The following CDH22 variants were observed in gnomAD, a reference collection of about 807,000 sequenced individuals.
The protein encoded by CDH22 is cadherin 22, also known as cadherin-22.
In CDH22, 30 loss-of-function variants were observed where a neutral mutation model predicts 58.4. That is an observed-to-expected ratio of 0.51 (90% CI 0.38 to 0.70). The LOEUF (loss-of-function observed/expected upper bound fraction) is 0.70, where lower values mean the gene tolerates loss of function less well. CDH22 is among the 30% of genes least tolerant of loss of function. CDH22 has a pLI of 0.00. For missense variants in CDH22, 1,014 were observed against 1,233.9 expected, an observed-to-expected ratio of 0.82 and a Z score of 2.67; for synonymous variants, 513 against 558.2, an observed-to-expected ratio of 0.92 and a Z score of 1.14.
chr20:46,248,210 G>A (rs1489400358), intron 2 of CDH22, among the ~76,000 whole-genome samples: 1 of 152,206 alleles, frequency 6.6e-6, no homozygotes, highest in Non-Finnish European at 1.5e-5. Context: ...AGATGGGGAT[G>A]GGGTCAGCTC....
chr20:46,287,797 CTG>C (rs551717087), intron 1 of CDH22, among the ~76,000 whole-genome samples: 1 of 152,226 alleles, frequency 6.6e-6, no homozygotes, highest in South Asian at 2.1e-4. Context: ...GTGAAGCAGA[CTG>C]GCCCCCGCCC....
chr20:46,246,494 T>A (rs2086330020), intron 2 of CDH22, among the ~76,000 whole-genome samples: 2 of 152,078 alleles, frequency 1.3e-5, no homozygotes, highest in Non-Finnish European at 2.9e-5. Flanking sequence ...AAATTATAGT[T>A]CGGAAAACGG....
At chr20:46,301,796 A>T (rs1266560886) in intron 1 of CDH22, among the ~76,000 whole-genome samples, 7 of 152,146 alleles carry the variant, frequency 4.6e-5, no homozygotes. Flanking sequence ...GGGCAACAAG[A>T]GTGAAACTCC....
intron 3 of CDH22, among the ~76,000 whole-genome samples, chr20:46,234,528 G>T (rs555021178): frequency 4.6e-5 from 7 of 152,198 alleles, no homozygotes; most frequent in Non-Finnish European, 8.8e-5. Context: ...CCCAAGAAGT[G>T]CAGGCTGTAC....
intron 5 of CDH22, among the ~76,000 whole-genome samples, chr20:46,214,787 G>T (rs1471310820): frequency 6.6e-6 from 1 of 152,148 alleles, no homozygotes; most frequent in Admixed American, 6.5e-5. Context: ...TGCTCCCTTG[G>T]CCCCCAAGCT....
At chr20:46,254,243 G>A (rs2086395401) in intron 1 of CDH22, among the ~76,000 whole-genome samples, 1 of 152,106 alleles carries the variant, frequency 6.6e-6, no homozygotes, top group Non-Finnish European at 1.5e-5. Context: ...GCTGGGCACT[G>A]GGGACATAGC....
intron 1 of CDH22, among the ~76,000 whole-genome samples, chr20:46,270,323 G>T (rs891706817): frequency 9.8e-5 from 15 of 152,314 alleles, no homozygotes; most frequent in Non-Finnish European, 1.9e-4. Context: ...TGCTGGGGCT[G>T]CAGGCTGCAG....
chr20:46,201,814 G>A lies in CDH22; in HGVS notation c.1287-2255C>T, dbSNP rs995952597. 2.6e-5 allele frequency among the ~76,000 whole-genome samples: 4 copies of A among 152,256 alleles called. No homozygotes were observed. The East Asian group carries it at 5.8e-4, about 22-fold the overall frequency. Reference sequence around the variant, plus strand: ...CACCTTGAGTCCCGCTAGCCTGGGCGAAAGTACGTGGGGAGGTTCAGACCC... The same window carrying A: ...CACCTTGAGTCCCGCTAGCCTGGGCAAAAGTACGTGGGGAGGTTCAGACCC... On this transcript the variant is annotated intron_variant, in intron 7 of 11. Transcript: ENST00000537909.
intron 4 of CDH22, among the ~76,000 whole-genome samples, 155 bp downstream of exon 4, chr20:46,227,353 C>T (rs976563297): frequency 6.6e-6 from 1 of 152,192 alleles, no homozygotes; most frequent in Non-Finnish European, 1.5e-5. Context: ...CTCTCCGCGA[C>T]CCTGGACTCT....
intron 3 of CDH22, among the ~76,000 whole-genome samples, chr20:46,234,555 T>C (rs1255932423): frequency 6.6e-6 from 1 of 152,226 alleles, no homozygotes; most frequent in African/African-American, 2.4e-5. Flanking sequence ...GACAGTCTTT[T>C]CCCATCTATT....
intron 1 of CDH22, among the ~76,000 whole-genome samples, chr20:46,287,739 T>C (rs2086582550): frequency 6.6e-6 from 1 of 151,936 alleles, no homozygotes; most frequent in African/African-American, 2.4e-5. Context: ...AAGCAGAGGA[T>C]TGGCATGAAT....
chr20:46,231,267 G>A (rs1427514709), intron 3 of CDH22, among the ~76,000 whole-genome samples: 1 of 152,222 alleles, frequency 6.6e-6, no homozygotes, highest in Non-Finnish European at 1.5e-5. Context: ...GATCCATGTG[G>A]AATGTTAGAT....
At position 46,240,950 on chromosome 20, in the gene CDH22, GC is replaced by G; in HGVS notation, c.550+12del. ...CTTGATCCCATCCCCCACCCCCAGG[GC>G]CCACAGCCCACCTGTAGGTGAGAGC... is the stretch of plus-strand genomic sequence containing the variant. On this transcript the variant is annotated intron_variant, in intron 3 of 11. Transcript: ENST00000537909. 6.2e-7 allele frequency: 1 copy of G among 1,604,730 alleles called. No homozygotes were observed. Among genetic ancestry groups the G allele is most frequent in the Non-Finnish European group, 8.5e-7 (1 of 1,173,526 alleles).
At chr20:46,192,094 T>C (rs2040558595) in intron 8 of CDH22, among the ~76,000 whole-genome samples, 1 of 152,370 alleles carries the variant, frequency 6.6e-6, no homozygotes, top group East Asian at 1.9e-4. Context: ...TTGTAGCATT[T>C]ACCCAGCACC....
At chr20:46,205,571 C>T (rs190803855) in intron 7 of CDH22, among the ~76,000 whole-genome samples, 45 of 152,240 alleles carry the variant, frequency 3.0e-4, no homozygotes, top group Non-Finnish European at 5.9e-4. Context: ...GCAGTGTGGA[C>T]TAGCTGTTTT....
intron 1 of CDH22, among the ~76,000 whole-genome samples, chr20:46,302,751 C>T (rs950807337): frequency 1.3e-5 from 2 of 152,138 alleles, no homozygotes; most frequent in African/African-American, 2.4e-5. Context: ...TCATGTATCC[C>T]ATTAGGATCT....
intron 7 of CDH22, among the ~76,000 whole-genome samples, chr20:46,209,061 G>A (rs2086020706): frequency 6.6e-6 from 1 of 152,220 alleles, no homozygotes; most frequent in South Asian, 2.1e-4. Flanking sequence ...AGAAAAGCAG[G>A]TAGCATGTCA....
chr20:46,275,902 G>A (rs1271917708), intron 1 of CDH22, among the ~76,000 whole-genome samples: 1 of 151,856 alleles, frequency 6.6e-6, no homozygotes, highest in Non-Finnish European at 1.5e-5. Flanking sequence ...CAGGATGAGG[G>A]AGGGTCTTCC....
chr20:46,282,344 G>A (rs974063903), intron 1 of CDH22, among the ~76,000 whole-genome samples: 1 of 152,152 alleles, frequency 6.6e-6, no homozygotes, highest in Admixed American at 6.5e-5. Context: ...CACAGTGGGT[G>A]GAGATGCATG....
Sources: allele counts gnomAD v4.1 joint callset (sites outside exome capture counted in the v4.1 genomes callset), GRCh38; gene constraint gnomAD v4.1.1; transcripts MANE v1.5; gene names NCBI Gene and HGNC (gene_info 2026-07-23, HGNC 2026-07-21).